The following ENPP2 variants were observed in gnomAD, a reference collection of about 807,000 sequenced individuals.
ENPP2 encodes autotaxin.
ENPP2 carries 51 observed loss-of-function variants against 120.2 expected under a neutral mutation model. The observed-to-expected ratio is 0.42, with a 90% CI of 0.34 to 0.54. The LOEUF is 0.54. Ranked by LOEUF, ENPP2 falls within the 20% of genes least tolerant of loss-of-function variation. The probability of loss-of-function intolerance (pLI) is 0.04; values close to 1 mark genes in which losing one functional copy is unlikely to be tolerated. For missense variants in ENPP2, 920 were observed against 1,066.5 expected (o/e 0.86, Z 1.91); for synonymous variants, 365 against 366.4 (o/e 1.00, Z 0.04).
chr8:119,581,448 G>C (rs1345769548), intron 18 of ENPP2, among the ~76,000 whole-genome samples: 1 of 151,992 alleles, frequency 6.6e-6, no homozygotes, highest in Non-Finnish European at 1.5e-5. Flanking sequence ...CTCTACCAAG[G>C]GGAAACATGT....
chr8:119,589,577 G>A (rs1322403227), intron 13 of ENPP2, among the ~76,000 whole-genome samples: 1 of 152,148 alleles, frequency 6.6e-6, no homozygotes, highest in East Asian at 1.9e-4. Flanking sequence ...GGCAGAAAAG[G>A]GAGGACACAG....
In ENPP2 at chr8:119,620,043, A is replaced by G. The variant is rs192204205; in HGVS notation, c.419-739T>C. ...CACATTGGAGAAATTGCTCCCATGT[A>G]AAGAGAACTGGAAATCTTCTCTGGT... On this transcript the variant is annotated intron_variant, in intron 4 of 24. Transcript: ENST00000075322. Among the ~76,000 whole-genome samples the G allele has an allele frequency of 3.3e-5, 5 of 152,350 alleles. No individual in the cohort carries two copies. The East Asian group carries it at 9.6e-4, about 29-fold the overall frequency.
Position 119,619,230 on chromosome 8 carries a change from T to C in ENPP2, c.479+14A>G. 2 of 1,589,948 alleles carry C rather than the reference T, an allele frequency of 1.3e-6. No individual in the cohort carries two copies. The highest frequency in any genetic ancestry group is 1.7e-6 in the Non-Finnish European group (2 of 1,159,016). On this transcript the variant is annotated intron_variant, in intron 5 of 24. Coordinates refer to ENST00000075322, the MANE Select transcript of ENPP2 (RefSeq NM_001040092.3). Reference sequence around the variant, plus strand: ...AATACATAAAACTTCAAAATAGTCATAAAATACACTTACCCTGCAGGGCAT... The same window carrying C: ...AATACATAAAACTTCAAAATAGTCACAAAATACACTTACCCTGCAGGGCAT...
chr8:119,586,573 GC>G (rs1813127080), intron 14 of ENPP2, among the ~76,000 whole-genome samples: 1 of 152,022 alleles, frequency 6.6e-6, no homozygotes, highest in South Asian at 2.1e-4. Flanking sequence ...TGAGACCATC[GC>G]TAAGAGCAAT....
intron 8 of ENPP2, among the ~76,000 whole-genome samples, chr8:119,610,483 G>A (rs933173247): frequency 7.0e-6 from 1 of 142,886 alleles, no homozygotes; most frequent in Non-Finnish European, 1.5e-5. Context: ...AGCCGATAAG[G>A]TTATAAAAGA....
At chr8:119,641,905 A>G (rs956266349), upstream of ENPP2, among the ~76,000 whole-genome samples, 16 of 152,210 alleles carry the variant, frequency 1.1e-4, no homozygotes, top group African/African-American at 3.9e-4. Context: ...AAAATTCAAC[A>G]TAGGGATAAA....
intron 22 of ENPP2, among the ~76,000 whole-genome samples, chr8:119,566,547 AG>A (rs1420474017): frequency 1.3e-5 from 2 of 152,228 alleles, no homozygotes; most frequent in African/African-American, 4.8e-5. Context: ...TTAAGCATTA[AG>A]AAAAAATGGA....
intron 3 of ENPP2, among the ~76,000 whole-genome samples, chr8:119,623,657 ACT>A (rs2130756144): frequency 6.6e-6 from 1 of 151,740 alleles, no homozygotes; most frequent in East Asian, 1.9e-4. Flanking sequence ...ACAGAGTCTC[ACT>A]CTGTCGCCTG....
chr8:119,638,217 T>C (rs1817123033), intron 2 of ENPP2, among the ~76,000 whole-genome samples: 1 of 152,194 alleles, frequency 6.6e-6, no homozygotes, highest in African/African-American at 2.4e-5. Flanking sequence ...AAATAGCCAG[T>C]TATGAAACAA....
At chr8:119,612,666 C>G (rs1187093713) in intron 8 of ENPP2, among the ~76,000 whole-genome samples, 1 of 152,106 alleles carries the variant, frequency 6.6e-6, no homozygotes, top group Non-Finnish European at 1.5e-5. Context: ...GAGGCAGGCA[C>G]CTTGCTTGAG....
At chr8:119,648,769 A>G (rs1004751049) in intron 1 of ENPP2, among the ~76,000 whole-genome samples, 1 of 152,246 alleles carries the variant, frequency 6.6e-6, no homozygotes, top group East Asian at 1.9e-4. Flanking sequence ...CAGAGCTAAC[A>G]TCATCATATT....
At chr8:119,562,755 G>T in intron 24 of ENPP2, 102 bp downstream of exon 24, 1 of 1,182,272 alleles carries the variant, frequency 8.5e-7, no homozygotes, top group Non-Finnish European at 1.2e-6. Context: ...TAGGGTGAAT[G>T]CTTTATAATA....
chr8:119,623,024 G>C (rs1368360591), intron 3 of ENPP2, among the ~76,000 whole-genome samples: 2 of 152,106 alleles, frequency 1.3e-5, no homozygotes, highest in African/African-American at 4.8e-5. Flanking sequence ...CAAGAAAGGT[G>C]TCACTGAGCT....
chr8:119,648,111 A>C (rs1389634139), intron 1 of ENPP2, among the ~76,000 whole-genome samples: 1 of 152,240 alleles, frequency 6.6e-6, no homozygotes, highest in Non-Finnish European at 1.5e-5. Context: ...CTTTTAAAAA[A>C]TAATTGTTCT....
At chr8:119,664,758 T>C (rs1349498890) in intron 1 of ENPP2, among the ~76,000 whole-genome samples, 2 of 152,018 alleles carry the variant, frequency 1.3e-5, no homozygotes, top group African/African-American at 2.4e-5. Flanking sequence ...CTGGCCAACA[T>C]GGTAAAACCC....
rs772855530 is a variant in ENPP2, at chr8:119,593,912, C to T, written c.973-52G>A. On this transcript the variant is annotated intron_variant, in intron 11 of 24. Coordinates refer to ENST00000075322, the MANE Select transcript of ENPP2 (RefSeq NM_001040092.3). The stretch of plus-strand genomic sequence containing the variant: ...CACAGGGTTTTCTTTCTTTCCCTTT[C>T]AGTCTCTCATAGATCTTCTACCCCT... 9.4e-5 allele frequency: 97 copies of T among 1,035,526 alleles called. 1 individual carries two copies. In the Middle Eastern group the frequency reaches 7.9e-3, roughly 84 times the overall value. The allele number at this position is 1,035,526 out of a possible 1,614,324, so 64.1% of individuals were successfully genotyped here.
chr8:119,570,515 C>A (rs892894500), intron 20 of ENPP2, among the ~76,000 whole-genome samples, 190 bp downstream of exon 20: 3 of 152,160 alleles, frequency 2.0e-5, no homozygotes, highest in East Asian at 1.9e-4. Context: ...TTAACATATT[C>A]CCATGGAATT....
chr8:119,594,692 G>A (rs981890496), intron 11 of ENPP2, among the ~76,000 whole-genome samples: 1 of 152,098 alleles, frequency 6.6e-6, no homozygotes, highest in Non-Finnish European at 1.5e-5. Context: ...CTTTAGCTGT[G>A]CAATGGAAAG....
intron 13 of ENPP2, among the ~76,000 whole-genome samples, chr8:119,588,966 G>A (rs75575411): frequency 5.3e-5 from 8 of 152,138 alleles, no homozygotes; most frequent in Admixed American, 2.0e-4. Context: ...CATCATCCTC[G>A]AAGCTAGTTC....
Sources: allele counts gnomAD v4.1 joint callset (sites outside exome capture counted in the v4.1 genomes callset), GRCh38; gene constraint gnomAD v4.1.1; transcripts MANE v1.5; gene names NCBI Gene and HGNC (gene_info 2026-07-23, HGNC 2026-07-21).